The following PTK7 variants were observed in gnomAD, a reference collection of about 807,000 sequenced individuals.
PTK7 encodes the protein protein tyrosine kinase 7 (inactive).
Under a neutral mutation model 116.6 loss-of-function variants are expected in PTK7, and 39 were observed. The ratio of observed to expected loss-of-function variants is 0.33; its 90% CI spans 0.26 to 0.44. PTK7 has a LOEUF of 0.44. Ranked by LOEUF, PTK7 falls within the 20% of genes least tolerant of loss-of-function variation. The probability of loss-of-function intolerance (pLI) is 1.00; values close to 1 mark genes in which losing one functional copy is unlikely to be tolerated. For synonymous variants in PTK7, 546 were observed against 563.6 expected, an observed-to-expected ratio of 0.97 and a Z score of 0.44; for missense variants, 1,169 against 1,425.6, an observed-to-expected ratio of 0.82 and a Z score of 2.90.
chr6:43,131,076 C>CACACACAT (rs1311449045), intron 5 of PTK7, among the ~76,000 whole-genome samples: 10 of 147,142 alleles, frequency 6.8e-5, no homozygotes, highest in Admixed American at 2.0e-4. Flanking sequence ...CACACACACA[C>CACACACAT]ACTTTTTAGA....
chr6:43,118,739 A>G (rs560270044), intron 1 of PTK7, among the ~76,000 whole-genome samples: 14 of 123,478 alleles, frequency 1.1e-4, no homozygotes, highest in Non-Finnish European at 2.2e-4. Flanking sequence ...ATATGTATAT[A>G]TGTGTGTGTA....
At chr6:43,100,170 T>C (rs1007213380) in intron 1 of PTK7, among the ~76,000 whole-genome samples, 4 of 151,976 alleles carry the variant, frequency 2.6e-5, no homozygotes, top group Non-Finnish European at 5.9e-5. Flanking sequence ...GATCACGAGG[T>C]CAAGAGATGG....
At chr6:43,105,124 T>C (rs57673295) in intron 1 of PTK7, among the ~76,000 whole-genome samples, 1 of 150,454 alleles carries the variant, frequency 6.6e-6, no homozygotes, top group South Asian at 2.1e-4. Flanking sequence ...TTTTTTTTTT[T>C]AAAAAAACTT....
chr6:43,093,834 A>G (rs1767089920), intron 1 of PTK7, among the ~76,000 whole-genome samples: 1 of 152,184 alleles, frequency 6.6e-6, no homozygotes, highest in Non-Finnish European at 1.5e-5. Flanking sequence ...ACAGTGTGGG[A>G]GCAGACCCAA....
intron 7 of PTK7, among the ~76,000 whole-genome samples, chr6:43,137,846 G>A (rs575623625): frequency 4.0e-5 from 6 of 151,846 alleles, no homozygotes; most frequent in Non-Finnish European, 7.4e-5. Context: ...TCACTCTTTC[G>A]CCCAGGCTGG....
chr6:43,140,876 T>C (rs1770360402), intron 10 of PTK7, among the ~76,000 whole-genome samples: 2 of 152,216 alleles, frequency 1.3e-5, no homozygotes, highest in African/African-American at 4.8e-5. Context: ...TTTTATACCC[T>C]TTTTTACTTA....
chr6:43,143,685 G>C lies in PTK7; in HGVS notation c.2251+65G>C. On this transcript the variant is annotated intron_variant, in intron 14 of 19. Coordinates refer to ENST00000230419, the MANE Select transcript of PTK7 (RefSeq NM_002821.5). This position sits in a 1 kb window ranked among gnomAD's most constrained non-coding sequence, Gnocchi z 4.2. Reference sequence around the variant, plus strand: ...GAGCTGAGCGCCCTCCCGCGGCCACGGAGGGGAGAGCGCCAGCACTCTGGA... The same window carrying C: ...GAGCTGAGCGCCCTCCCGCGGCCACCGAGGGGAGAGCGCCAGCACTCTGGA... 6.6e-7 allele frequency: 1 copy of C among 1,526,038 alleles called. No individual in the cohort carries two copies. Among genetic ancestry groups the C allele is most frequent in the South Asian group, 1.2e-5 (1 of 85,568 alleles). 94.5% of individuals were successfully genotyped at this position (1,526,038 alleles called of 1,614,324 possible).
chr6:43,134,501 G>C (rs534861006), intron 7 of PTK7, among the ~76,000 whole-genome samples: 67 of 152,236 alleles, frequency 4.4e-4, no homozygotes, highest in Non-Finnish European at 7.8e-4. Context: ...TAAAAAGTTA[G>C]CTGGGCGCGG....
intron 1 of PTK7, among the ~76,000 whole-genome samples, chr6:43,099,640 A>G (rs959608076): frequency 7.2e-5 from 11 of 152,256 alleles, no homozygotes; most frequent in African/African-American, 2.7e-4. Context: ...ACAGAGGGCT[A>G]CCATTTAAGG....
In PTK7 at chr6:43,145,551, T is replaced by A; in HGVS notation, c.2640+119T>A. On this transcript the variant is annotated intron_variant, in intron 16 of 19. Transcript: ENST00000230419. The surrounding 1 kb of genome is among the most constrained non-coding windows in gnomAD (Gnocchi z 4.8). ...GTCTCGTGCAGTCTCAGCCGAGACC[T>A]CACCTGCCTGCTGTTACACTTTGCC... The A allele has an allele frequency of 1.4e-6, 1 of 725,352 alleles. No homozygotes were observed. Among genetic ancestry groups the A allele is most frequent in the Non-Finnish European group, 2.1e-6 (1 of 481,582 alleles). 44.9% of individuals were successfully genotyped at this position (725,352 alleles called of 1,614,324 possible).
At chr6:43,107,833 C>T (rs1272583426) in intron 1 of PTK7, among the ~76,000 whole-genome samples, 2 of 152,224 alleles carry the variant, frequency 1.3e-5, no homozygotes, top group African/African-American at 4.8e-5. Context: ...TTCCTGAGCA[C>T]CTCTCACGGG....
chr6:43,139,470 G>A lies in PTK7; in HGVS notation c.1563G>A (p.Thr521=), dbSNP rs370532092. 1.8e-5 allele frequency: 29 copies of A among 1,614,100 alleles called. No homozygotes were observed. The highest frequency in any genetic ancestry group is 1.5e-4 in the African/African-American group (11 of 74,940). ...QQCMEFDKEA[T]VPCSATGREK... is the part of the protein sequence containing the mutation. ...GCATGGAGTTTGACAAGGAGGCCAC[G>A]GTGCCCTGTTCAGCCACAGGCCGAG... is the stretch of plus-strand genomic sequence containing the variant. Residue 521 remains threonine, a synonymous_variant, in exon 10 of 20, where the codon ACG becomes ACA. Transcript: ENST00000230419. The surrounding 1 kb of genome is among the most constrained non-coding windows in gnomAD (Gnocchi z 4.6).
rs140146394 is a variant in PTK7, at chr6:43,137,968, G to A, written c.1229-881G>A. Reference sequence around the variant, plus strand: ...ATTACAGGTGCCCGCCACCACACCCGGCCAATGTTTTTGTATTTTTAGTAG... The same window carrying A: ...ATTACAGGTGCCCGCCACCACACCCAGCCAATGTTTTTGTATTTTTAGTAG... On this transcript the variant is annotated intron_variant, in intron 7 of 19. Coordinates refer to ENST00000230419, the MANE Select transcript of PTK7 (RefSeq NM_002821.5). 4.4e-3 allele frequency among the ~76,000 whole-genome samples: 672 copies of A among 151,366 alleles called. 10 individuals are homozygous for A. Among genetic ancestry groups the A allele is most frequent in the African/African-American group, 0.015 (623 of 41,256 alleles).
intron 1 of PTK7, among the ~76,000 whole-genome samples, chr6:43,079,002 G>A (rs1485865150): frequency 2.0e-5 from 3 of 152,218 alleles, no homozygotes; most frequent in African/African-American, 7.2e-5. Context: ...CTGTTGGGAA[G>A]TATGGTGGCA....
chr6:43,092,784 G>T (rs1193554145), intron 1 of PTK7, among the ~76,000 whole-genome samples: 1 of 152,144 alleles, frequency 6.6e-6, no homozygotes, highest in African/African-American at 2.4e-5. Flanking sequence ...GTTATCTGTG[G>T]AGGTTATAAC....
intron 1 of PTK7, among the ~76,000 whole-genome samples, chr6:43,121,668 G>A (rs1768972447): frequency 6.6e-6 from 1 of 152,222 alleles, no homozygotes; most frequent in Non-Finnish European, 1.5e-5. Context: ...TGGGTTGCTT[G>A]CACTGAAACC....
In PTK7 at chr6:43,160,863, C is replaced by T. The variant is rs781365969; in HGVS notation, c.3195C>T (p.Thr1065=). The T allele has an allele frequency of 1.1e-5, 17 of 1,613,906 alleles. No homozygotes were observed. The highest frequency in any genetic ancestry group is 1.3e-5 in the Non-Finnish European group (15 of 1,180,038). The part of the protein sequence containing the change: ...SEIASALGDS[T]VDSKP ...TTGCCAGCGCCCTGGGAGACAGCAC[C>T]GTGGACAGCAAGCCGTGAGGAGGGA... The change falls in exon 20 of 20, where the codon ACC becomes ACT. Residue 1065 remains threonine, a synonymous_variant. Coordinates refer to ENST00000230419, the MANE Select transcript of PTK7 (RefSeq NM_002821.5).
chr6:43,116,965 A>G (rs973996686), intron 1 of PTK7, among the ~76,000 whole-genome samples: 6 of 152,056 alleles, frequency 3.9e-5, no homozygotes, highest in African/African-American at 1.4e-4. Context: ...CTGGGATTAT[A>G]GGTGCCCGAC....
rs1430534440 is a variant in PTK7 at position 43,076,877 on chromosome 6, G to A, written c.79+310G>A. 2 of 1,490,130 alleles carry A rather than the reference G, an allele frequency of 1.3e-6. No homozygotes were observed. Among genetic ancestry groups the A allele is most frequent in the Admixed American group, 2.2e-5 (1 of 45,862 alleles). 92.3% of individuals were successfully genotyped at this position (1,490,130 alleles called of 1,614,324 possible). A position where few individuals can be genotyped will look rare whatever the true frequency, so the allele number is the denominator to read the frequency against. On this transcript the variant is annotated intron_variant, in intron 1 of 19. Transcript: ENST00000230419. This position sits in a 1 kb window ranked among gnomAD's most constrained non-coding sequence, Gnocchi z 5.7. ...AACTGCCGAGAGTTGCTGGCTCTCGGGCCCAGATGGGGAGTTTCTTGTCGG... is the reference window on the plus strand; with the variant it reads ...AACTGCCGAGAGTTGCTGGCTCTCGAGCCCAGATGGGGAGTTTCTTGTCGG...
Sources: allele counts gnomAD v4.1 joint callset (sites outside exome capture counted in the v4.1 genomes callset), GRCh38; gene constraint gnomAD v4.1.1; non-coding constraint Gnocchi (gnomAD v3.1); transcripts MANE v1.5; gene names NCBI Gene and HGNC (gene_info 2026-07-23, HGNC 2026-07-21).